SLIT2: variants seen among roughly 807,000 people sequenced by gnomAD.
SLIT2 encodes the protein slit homolog 2 protein.
SLIT2 carries 41 observed loss-of-function variants against 185.7 expected under a neutral mutation model. The observed-to-expected ratio is 0.22, with a 90% confidence interval of 0.17 to 0.29. The LOEUF (loss-of-function observed/expected upper bound fraction) is 0.29. Ranked by LOEUF, SLIT2 falls within the 10% of genes least tolerant of loss-of-function variation. The probability of loss-of-function intolerance (pLI) is 1.00; values close to 1 mark genes in which losing one functional copy is unlikely to be tolerated. For synonymous variants in SLIT2, 693 were observed against 680.2 expected (o/e 1.02, Z -0.29); for missense variants, 1,571 against 1,909.0 (o/e 0.82, Z 3.30).
At chr4:20,572,280 G>A (rs1725672762) in intron 29 of SLIT2, among the ~76,000 whole-genome samples, 1 of 152,134 alleles carries the variant, frequency 6.6e-6, no homozygotes, top group Non-Finnish European at 1.5e-5. Flanking sequence ...CATGACTGCC[G>A]ATTACTAGTA....
At chr4:20,470,248 A>G (rs537811962) in intron 5 of SLIT2, among the ~76,000 whole-genome samples, 1 of 152,326 alleles carries the variant, frequency 6.6e-6, no homozygotes, top group African/African-American at 2.4e-5. Flanking sequence ...GGAAAGTGTA[A>G]CATGAAATGA....
At chr4:20,491,464 T>G (rs1228986166) in intron 8 of SLIT2, among the ~76,000 whole-genome samples, 1 of 152,198 alleles carries the variant, frequency 6.6e-6, no homozygotes, top group Non-Finnish European at 1.5e-5. Context: ...ATTAGAATAG[T>G]TTTGAATGTA....
intron 1 of SLIT2, chr4:20,255,121 G>C (rs1186770322): frequency 4.4e-6 from 2 of 451,354 alleles, no homozygotes; most frequent in Non-Finnish European, 4.5e-6. Context: ...AGTAAGCGAA[G>C]GGCGCGGGGC....
At chr4:20,354,633 C>T (rs574125978) in intron 4 of SLIT2, among the ~76,000 whole-genome samples, 1 of 152,258 alleles carries the variant, frequency 6.6e-6, no homozygotes, top group South Asian at 2.1e-4. Context: ...CTTTTAAAAA[C>T]TGACTATATT....
intron 9 of SLIT2, among the ~76,000 whole-genome samples, chr4:20,495,520 AT>A (rs1433442822): frequency 6.6e-6 from 1 of 152,160 alleles, no homozygotes; most frequent in Non-Finnish European, 1.5e-5. Flanking sequence ...TATGTAGTCT[AT>A]TTTATTTCTT....
At chr4:20,401,935 T>C (rs1726396309) in intron 4 of SLIT2, among the ~76,000 whole-genome samples, 1 of 151,924 alleles carries the variant, frequency 6.6e-6, no homozygotes, top group African/African-American at 2.4e-5. Flanking sequence ...CTTAGATTTA[T>C]TTTTAATTTT....
rs1044104223 is a variant in SLIT2 at position 20,620,340 on chromosome 4, A to C, written c.*1331A>C. ...TCCCATGTTAACATGTTTGCTGCTA[A>C]ATTACAATGTAGAATTGATAATGGT... On this transcript the variant is annotated 3_prime_UTR_variant, in exon 37 of 37. Coordinates refer to ENST00000504154, the MANE Select transcript of SLIT2 (RefSeq NM_004787.4). 4.7e-6 allele frequency: 2 copies of C among 426,548 alleles called. No individual in the cohort carries two copies. Among genetic ancestry groups the C allele is most frequent in the African/African-American group, 2.1e-5 (1 of 48,370 alleles). 26.4% of individuals were successfully genotyped at this position (426,548 alleles called of 1,614,324 possible). A position where few individuals can be genotyped will look rare whatever the true frequency, so the allele number is the denominator to read the frequency against.
intron 4 of SLIT2, among the ~76,000 whole-genome samples, chr4:20,424,582 A>C (rs1728407903): frequency 1.3e-5 from 2 of 152,168 alleles, no homozygotes; most frequent in African/African-American, 4.8e-5. Context: ...TAGATTTGAC[A>C]ATCAAAATAC....
chr4:20,602,399 C>T (rs760935314), intron 33 of SLIT2, among the ~76,000 whole-genome samples: 60 of 152,096 alleles, frequency 3.9e-4, no homozygotes, highest in African/African-American at 1.2e-3. Flanking sequence ...ATTCTTTTAG[C>T]GTAGAAATAA....
At position 20,441,607 on chromosome 4, in the gene SLIT2, A is replaced by G. The variant is rs527303579; in HGVS notation, c.396-26145A>G. ...CTTGCAAAAATACATACATACACAC[A>G]GTATGCAAACACATACCCATAGTCA... On this transcript the variant is annotated intron_variant, in intron 4 of 36. Transcript: ENST00000504154. 8.2e-4 allele frequency among the ~76,000 whole-genome samples: 123 copies of G among 150,584 alleles called. 1 individual carries two copies. The highest frequency in any genetic ancestry group is 1.3e-3 in the Non-Finnish European group (89 of 67,828).
chr4:20,499,775 G>T (rs542862581), intron 9 of SLIT2, among the ~76,000 whole-genome samples: 1 of 151,988 alleles, frequency 6.6e-6, no homozygotes, highest in Non-Finnish European at 1.5e-5. Context: ...GGGACATCAC[G>T]CCATGCCCAG....
chr4:20,596,340 T>G lies in SLIT2; in HGVS notation c.3321-75T>G, dbSNP rs1727974397. The G allele has an allele frequency of 2.2e-6, 3 of 1,388,432 alleles. No individual in the cohort carries two copies. In the African/African-American group the frequency reaches 4.3e-5, roughly 20 times the overall value. The allele number at this position is 1,388,432 out of a possible 1,614,324, so 86.0% of individuals were successfully genotyped here. On this transcript the variant is annotated intron_variant, in intron 31 of 36. Transcript: ENST00000504154. ...TGCACATATATAATATACAGTTATG[T>G]TATACAGCTCTCAATTCAGATTGGC...
intron 8 of SLIT2, chr4:20,490,954 G>A: frequency 1.5e-6 from 1 of 649,132 alleles, no homozygotes; most frequent in Admixed American, 2.5e-5. Context: ...AGGTTGGAAA[G>A]GGCAGTCCCC....
rs1007657677 is a variant in SLIT2 at position 20,484,457 on chromosome 4, G to A, written c.540-1743G>A. On this transcript the variant is annotated intron_variant, in intron 6 of 36. Transcript: ENST00000504154. This position sits in a 1 kb window ranked among gnomAD's most constrained non-coding sequence, Gnocchi z 4.3. ...TCCCCCATAAAGTGGTTTATTTTTT[G>A]TGACTTAATTCAAATGACTTAGAAT... 6.6e-6 allele frequency among the ~76,000 whole-genome samples: 1 copy of A among 151,930 alleles called. No homozygotes were observed. Among genetic ancestry groups the A allele is most frequent in the Non-Finnish European group, 1.5e-5 (1 of 67,956 alleles).
At chr4:20,282,034 A>G (rs1223870240) in intron 4 of SLIT2, among the ~76,000 whole-genome samples, 1 of 152,234 alleles carries the variant, frequency 6.6e-6, no homozygotes, top group Non-Finnish European at 1.5e-5. Context: ...CTGATTCATC[A>G]GAACCTTTCT....
chr4:20,477,521 A>T (rs1435789901), intron 5 of SLIT2, among the ~76,000 whole-genome samples: 1 of 151,956 alleles, frequency 6.6e-6, no homozygotes, highest in East Asian at 1.9e-4. Flanking sequence ...GTTATTCTTG[A>T]CCCCATCATT....
chr4:20,435,171 A>G (rs936969647), intron 4 of SLIT2, among the ~76,000 whole-genome samples: 1 of 152,148 alleles, frequency 6.6e-6, no homozygotes, highest in African/African-American at 2.4e-5. Context: ...TTCACTCATT[A>G]GTTGTGAGAA....
chr4:20,355,502 G>A (rs1486493252), intron 4 of SLIT2, among the ~76,000 whole-genome samples: 1 of 152,096 alleles, frequency 6.6e-6, no homozygotes, highest in East Asian at 1.9e-4. Context: ...CCATTTCAAG[G>A]TGTGTATTCA....
chr4:20,518,269 T>TGAGACAGAGTCTCGCTCTG (rs1720439415), intron 11 of SLIT2, among the ~76,000 whole-genome samples: 1 of 138,692 alleles, frequency 7.2e-6, no homozygotes, highest in Non-Finnish European at 1.5e-5. Context: ...TTTTTTTTTT[T>TGAGACAGAGTCTCGCTCTG]TGAGACAGAG....
Sources: allele counts gnomAD v4.1 joint callset (sites outside exome capture counted in the v4.1 genomes callset), GRCh38; gene constraint gnomAD v4.1.1; non-coding constraint Gnocchi (gnomAD v3.1); transcripts MANE v1.5; gene names NCBI Gene and HGNC (gene_info 2026-07-23, HGNC 2026-07-21).